Variants in SVIL observed in about 807,000 individuals in gnomAD.
SVIL encodes the protein archvillin.
SVIL carries 101 observed loss-of-function variants against 240.4 expected under a neutral mutation model. The observed-to-expected ratio is 0.42, with a 90% CI of 0.36 to 0.50. SVIL has a LOEUF of 0.50. Ranked by LOEUF, SVIL falls within the 20% of genes least tolerant of loss-of-function variation. The pLI is 0.01. For synonymous variants in SVIL, 999 were observed against 1,100.0 expected (o/e 0.91, Z 1.82); for missense variants, 2,512 against 2,818.7 (o/e 0.89, Z 2.46).
chr10:29,489,867 A>C (rs535952051), intron 22 of SVIL, among the ~76,000 whole-genome samples: 1 of 152,322 alleles, frequency 6.6e-6, no homozygotes, highest in East Asian at 1.9e-4. Flanking sequence ...CTTTCATAGT[A>C]AACCAGTTAT....
At chr10:29,526,305 CT>C (rs36004446) in intron 13 of SVIL, among the ~76,000 whole-genome samples, 14,317 of 114,142 alleles carry the variant, frequency 0.13, 344 homozygotes, top group African/African-American at 0.23. Context: ...TTTTCTCTTT[CT>C]TTTTTTTTTT....
rs78669472 is a variant in SVIL at position 29,645,712 on chromosome 10, C to G, written c.-201+12257G>C. ...CTTTGATCATGCCTCAACTTCCCTC[C>G]CATAGAGACTCAGGCCAAAGCAGAT... On this transcript the variant is annotated intron_variant, in intron 3 of 35. Coordinates refer to the SVIL transcript ENST00000375400. Among the ~76,000 whole-genome samples, 29 of 152,330 alleles carry G rather than the reference C, an allele frequency of 1.9e-4. No individual in the cohort carries two copies. The East Asian group carries it at 5.4e-3, about 28-fold the overall frequency.
rs562022064 is a variant in SVIL, at chr10:29,462,269, G to A, written c.6402+8C>T. 1.4e-5 allele frequency: 22 copies of A among 1,613,860 alleles called. No homozygotes were observed. Among genetic ancestry groups the A allele is most frequent in the South Asian group, 3.3e-5 (3 of 91,044 alleles). ...AGCCACCTTCATAGGGCAGGAAAGCGTGCTCACCATCTCTGTGATCTCAGC... is the reference window on the plus strand; with the variant it reads ...AGCCACCTTCATAGGGCAGGAAAGCATGCTCACCATCTCTGTGATCTCAGC... On this transcript the variant is annotated splice_region_variant and intron_variant, in intron 36 of 37. Transcript: ENST00000355867.
intron 1 of SVIL, among the ~76,000 whole-genome samples, chr10:29,617,664 T>A (rs564980295): frequency 1.3e-5 from 2 of 152,316 alleles, no homozygotes; most frequent in Admixed American, 1.3e-4. Flanking sequence ...TGTAAACTAC[T>A]TTTTGGAGAT....
intron 1 of SVIL, among the ~76,000 whole-genome samples, chr10:29,627,711 C>A (rs1957927842): frequency 6.6e-6 from 1 of 152,178 alleles, no homozygotes; most frequent in Non-Finnish European, 1.5e-5. Flanking sequence ...TGATACAAAT[C>A]CAAATTAATA....
At chr10:29,549,690 C>A (rs1953049933) in intron 6 of SVIL, among the ~76,000 whole-genome samples, 1 of 139,248 alleles carries the variant, frequency 7.2e-6, no homozygotes, top group Non-Finnish European at 1.6e-5. Context: ...TACTATGCAG[C>A]CATAAAAAAG....
In SVIL at chr10:29,480,738, T is replaced by A. The variant is rs1474827486; in HGVS notation, c.5176A>T (p.Ile1726Phe). The change falls in exon 29 of 38, where the codon ATC (isoleucine) becomes TTC (phenylalanine). Residue 1726 changes from isoleucine to phenylalanine, a missense_variant. Ile to Phe is a conservative substitution (Grantham distance 21). Around this residue, in one of 3 missense-constraint regions of SVIL, gnomAD observed 797 missense variants for 925.3 expected, o/e 0.86. Coordinates refer to ENST00000355867, the MANE Select transcript of SVIL (RefSeq NM_021738.3). ...VSMPQTTAGT[I>F]LDGVNVGRGY... Reference sequence around the variant, plus strand: ...CGGCCGACGTTCACTCCGTCCAGGATGGTGCCTGCTGTCGTCTGGGGCATG... The same window carrying A: ...CGGCCGACGTTCACTCCGTCCAGGAAGGTGCCTGCTGTCGTCTGGGGCATG... The A allele has an allele frequency of 1.2e-6, 2 of 1,614,192 alleles. No individual in the cohort carries two copies. The highest frequency in any genetic ancestry group is 3.3e-5 in the Admixed American group (2 of 60,032).
intron 1 of SVIL, among the ~76,000 whole-genome samples, chr10:29,579,163 C>T (rs2132756775): frequency 6.6e-6 from 1 of 152,298 alleles, no homozygotes; most frequent in East Asian, 1.9e-4. Flanking sequence ...ATGGGCCAGG[C>T]ACAGTGGCTC....
chr10:29,657,126 C>T (rs1959030550), intron 3 of SVIL, among the ~76,000 whole-genome samples: 1 of 152,164 alleles, frequency 6.6e-6, no homozygotes, highest in African/African-American at 2.4e-5. Context: ...AGATACCAGG[C>T]TCTTAAACAT....
At chr10:29,558,496 C>T (rs1486211223) in intron 3 of SVIL, among the ~76,000 whole-genome samples, 3 of 151,950 alleles carry the variant, frequency 2.0e-5, no homozygotes, top group African/African-American at 2.4e-5. Context: ...CCTACAGAAA[C>T]GGGATTATAA....
rs556312143 is a variant in SVIL at position 29,482,225 on chromosome 10, G to A, written c.4956-497C>T. The stretch of plus-strand genomic sequence containing the variant: ...TGTATTTTTTTAAATATGAGACAGG[G>A]GTCTCGCTATGTTGCTCAGGCTGGT... On this transcript the variant is annotated intron_variant, in intron 27 of 37. Transcript: ENST00000355867. Among the ~76,000 whole-genome samples the A allele has an allele frequency of 4.6e-5, 7 of 151,848 alleles. No individual in the cohort carries two copies. In the South Asian group the frequency reaches 1.2e-3, roughly 27 times the overall value.
chr10:29,717,232 CAAAAAAAAAA>C (rs71023503), intron 1 of SVIL, among the ~76,000 whole-genome samples: 20 of 38,328 alleles, frequency 5.2e-4, no homozygotes, highest in South Asian at 1.7e-3. Context: ...GACTCTCTCT[CAAAAAAAAAA>C]AAAAAAAAAA....
chr10:29,722,115 G>A (rs1964022977), intron 1 of SVIL, among the ~76,000 whole-genome samples: 1 of 151,742 alleles, frequency 6.6e-6, no homozygotes, highest in Non-Finnish European at 1.5e-5. Context: ...GTGCGCATCT[G>A]TAATTCCAGC....
At chr10:29,544,894 T>C (rs1952501677) in intron 6 of SVIL, 2 of 449,172 alleles carry the variant, frequency 4.5e-6, no homozygotes, top group African/African-American at 2.0e-5. Flanking sequence ...AGCACAGGTG[T>C]TTGGGGGTAC....
intron 16 of SVIL, among the ~76,000 whole-genome samples, chr10:29,520,995 A>G (rs1950526891): frequency 6.6e-6 from 1 of 151,830 alleles, no homozygotes; most frequent in Admixed American, 6.6e-5. Context: ...AGGCCGAGGC[A>G]GGCGGATCAG....
At chr10:29,527,110 A>G (rs1012142139) in intron 12 of SVIL, 54 bp from the exon 13 acceptor site, 1 of 1,466,738 alleles carries the variant, frequency 6.8e-7, no homozygotes, top group African/African-American at 1.4e-5. Flanking sequence ...GAAGAAAAGA[A>G]GCATTAAGGA....
intron 2 of SVIL, among the ~76,000 whole-genome samples, 155 bp downstream of exon 2, chr10:29,569,100 G>T (rs979810940): frequency 1.3e-5 from 2 of 152,146 alleles, no homozygotes; most frequent in African/African-American, 4.8e-5. Context: ...TAAATACAAA[G>T]ATTCCTCTGC....
intron 1 of SVIL, among the ~76,000 whole-genome samples, chr10:29,721,383 AAACG>A (rs1327828190): frequency 2.6e-5 from 4 of 152,202 alleles, no homozygotes; most frequent in Admixed American, 1.3e-4. Flanking sequence ...TAGTTACATT[AAACG>A]TAAGTAATCT....
rs569446331 is a variant in SVIL, at chr10:29,688,336, G to GTCTGA, written c.-399-1686_-399-1685insTCAGA. Among the ~76,000 whole-genome samples the GTCTGA allele has an allele frequency of 4.3e-4, 65 of 152,336 alleles. No homozygotes were observed. The South Asian group carries it at 9.5e-3, about 22-fold the overall frequency. Reference sequence around the variant, plus strand: ...ACCAGTGCAACGTCAGAAGCCAAAGGTCACCATACCTCCCAGGTGATCAGA... The same window carrying GTCTGA: ...ACCAGTGCAACGTCAGAAGCCAAAGGTCTGATCACCATACCTCCCAGGTGATCAGA... On this transcript the variant is annotated intron_variant, in intron 1 of 35. Transcript: ENST00000375400.
Sources: allele counts gnomAD v4.1 joint callset (sites outside exome capture counted in the v4.1 genomes callset), GRCh38; gene constraint gnomAD v4.1.1; regional missense constraint gnomAD v4.1.1; transcripts MANE v1.5; gene names NCBI Gene and HGNC (gene_info 2026-07-23, HGNC 2026-07-21).